ZNF804B: variants seen among roughly 807,000 people sequenced by gnomAD.
ZNF804B encodes zinc finger 804B.
Under a neutral mutation model 101.4 loss-of-function variants are expected in ZNF804B, and 80 were observed. The ratio of observed to expected loss-of-function variants is 0.79; its 90% CI spans 0.66 to 0.95. The LOEUF is 0.95. Among genes scored for constraint, ZNF804B ranks in the 40% least tolerant of loss-of-function variants. ZNF804B has a pLI of 0.00. For missense variants in ZNF804B, 1,673 were observed against 1,561.9 expected (o/e 1.07, Z -1.20); for synonymous variants, 622 against 558.8 (o/e 1.11, Z -1.59).
At chr7:89,290,256 C>T (rs1264543118) in intron 2 of ZNF804B, among the ~76,000 whole-genome samples, 1 of 152,150 alleles carries the variant, frequency 6.6e-6, no homozygotes, top group African/African-American at 2.4e-5. Context: ...CTGAGATGTG[C>T]TGGCTTCAGG....
At chr7:89,292,018 C>T (rs1264661035) in intron 2 of ZNF804B, among the ~76,000 whole-genome samples, 2 of 151,892 alleles carry the variant, frequency 1.3e-5, no homozygotes, top group Non-Finnish European at 2.9e-5. Context: ...ATACTTTCAT[C>T]CTAAAAGAGT....
rs116853631 is a variant in ZNF804B at position 89,092,207 on chromosome 7, C to T, written c.109-125948C>T. Among the ~76,000 whole-genome samples, 342 of 151,690 alleles carry T rather than the reference C, an allele frequency of 2.3e-3. 1 individual carries two copies. In the Middle Eastern group the frequency reaches 0.031, roughly 14 times the overall value. On this transcript the variant is annotated intron_variant, in intron 1 of 3. Coordinates refer to ENST00000333190, the MANE Select transcript of ZNF804B (RefSeq NM_181646.5). ...AATAAACAAAGGATTTCTCGGGGGT[C>T]TCTCTACGGGCAGTAATCCCATATG...
At chr7:89,130,850 G>A (rs1393431288) in intron 1 of ZNF804B, among the ~76,000 whole-genome samples, 1 of 151,972 alleles carries the variant, frequency 6.6e-6, no homozygotes, top group Non-Finnish European at 1.5e-5. Context: ...AAAGCGTCTA[G>A]GGGGTGTCTT....
At chr7:89,054,833 C>T (rs1789266553) in intron 1 of ZNF804B, among the ~76,000 whole-genome samples, 1 of 151,964 alleles carries the variant, frequency 6.6e-6, no homozygotes, top group South Asian at 2.1e-4. Context: ...TTTCCCCTTC[C>T]TCCCTGTCAT....
chr7:88,785,913 G>C (rs1033942295), intron 1 of ZNF804B, among the ~76,000 whole-genome samples: 1 of 152,030 alleles, frequency 6.6e-6, no homozygotes, highest in African/African-American at 2.4e-5. Flanking sequence ...TCTAAATTAG[G>C]TGAAGTTAGG....
chr7:89,293,315 G>T (rs958824391), intron 2 of ZNF804B, among the ~76,000 whole-genome samples: 4 of 151,958 alleles, frequency 2.6e-5, no homozygotes, highest in African/African-American at 9.7e-5. Flanking sequence ...ACGTTAATTA[G>T]ATTGATTTGA....
chr7:88,903,302 T>C (rs962773005), intron 1 of ZNF804B, among the ~76,000 whole-genome samples: 27 of 152,146 alleles, frequency 1.8e-4, no homozygotes, highest in Non-Finnish European at 3.7e-4. Flanking sequence ...AATGGCTGTA[T>C]AGTATTCTTC....
intron 1 of ZNF804B, among the ~76,000 whole-genome samples, chr7:88,930,581 G>C (rs946836951): frequency 6.6e-6 from 1 of 151,800 alleles, no homozygotes; most frequent in South Asian, 2.1e-4. Context: ...TTCATATATT[G>C]AACTTTCATT....
At chr7:88,805,153 G>T (rs116082993) in intron 1 of ZNF804B, among the ~76,000 whole-genome samples, 2,952 of 152,188 alleles carry the variant, frequency 0.019, 89 homozygotes, top group African/African-American at 0.067. Flanking sequence ...ACATTTAATG[G>T]TGACTAGTTT....
intron 1 of ZNF804B, among the ~76,000 whole-genome samples, chr7:88,969,152 A>G (rs1053143305): frequency 6.6e-6 from 1 of 151,586 alleles, no homozygotes; most frequent in African/African-American, 2.4e-5. Context: ...TACTAATTAC[A>G]TTTAGTATAT....
At chr7:88,853,047 T>C (rs1791469355) in intron 1 of ZNF804B, among the ~76,000 whole-genome samples, 1 of 152,120 alleles carries the variant, frequency 6.6e-6, no homozygotes, top group African/African-American at 2.4e-5. Context: ...CCCTGCACTC[T>C]TCTCTAGCTC....
chr7:89,229,543 A>G (rs1789155594), intron 2 of ZNF804B, among the ~76,000 whole-genome samples: 1 of 152,234 alleles, frequency 6.6e-6, no homozygotes, highest in Non-Finnish European at 1.5e-5. Context: ...TCAACTCACA[A>G]CAGAGCATGA....
intron 1 of ZNF804B, among the ~76,000 whole-genome samples, chr7:89,126,830 T>G (rs892776354): frequency 6.6e-6 from 1 of 151,952 alleles, no homozygotes; most frequent in Non-Finnish European, 1.5e-5. Context: ...AAAAGCATCA[T>G]TAGTATACTG....
intron 1 of ZNF804B, among the ~76,000 whole-genome samples, chr7:88,943,080 C>T (rs1367565858): frequency 6.6e-6 from 1 of 151,836 alleles, no homozygotes; most frequent in Non-Finnish European, 1.5e-5. Flanking sequence ...CAGAAAACCC[C>T]TAGTAATTAT....
chr7:89,281,984 G>A (rs961080970), intron 2 of ZNF804B, among the ~76,000 whole-genome samples: 5 of 151,896 alleles, frequency 3.3e-5, no homozygotes, highest in Admixed American at 2.0e-4. Context: ...GGCGGATCAC[G>A]AGGTCAGGAG....
chr7:89,143,528 A>G (rs929627105), intron 1 of ZNF804B, among the ~76,000 whole-genome samples: 11 of 152,162 alleles, frequency 7.2e-5, no homozygotes, highest in Admixed American at 2.6e-4. Flanking sequence ...ATTCATCTTC[A>G]ACATCAACTT....
chr7:89,276,815 T>C (rs1197876966), intron 2 of ZNF804B, among the ~76,000 whole-genome samples: 1 of 151,886 alleles, frequency 6.6e-6, no homozygotes, highest in Non-Finnish European at 1.5e-5. Context: ...TATTTGTACT[T>C]AGTATGACTC....
chr7:88,783,889 G>T (rs1187067033), intron 1 of ZNF804B, among the ~76,000 whole-genome samples: 2 of 152,084 alleles, frequency 1.3e-5, no homozygotes, highest in East Asian at 3.9e-4. Context: ...TGTTATGAAT[G>T]TCATATAAGA....
At chr7:89,196,283 G>A (rs56286525) in intron 1 of ZNF804B, among the ~76,000 whole-genome samples, 43,646 of 149,886 alleles carry the variant, frequency 0.29, 6,462 homozygotes, top group South Asian at 0.34. Flanking sequence ...TTGACAACAC[G>A]TAGACCAATG....
Sources: allele counts gnomAD v4.1 joint callset (sites outside exome capture counted in the v4.1 genomes callset), GRCh38; gene constraint gnomAD v4.1.1; transcripts MANE v1.5; gene names NCBI Gene and HGNC (gene_info 2026-07-23, HGNC 2026-07-21).